GRP: variants seen among roughly 807,000 people sequenced by gnomAD.
GRP encodes the protein gastrin releasing peptide, also known as gastrin-releasing peptide.
In GRP, 11 loss-of-function variants were observed where a neutral mutation model predicts 12.7. The ratio of observed to expected loss-of-function variants is 0.87; its 90% confidence interval spans 0.55 to 1.44. The LOEUF (loss-of-function observed/expected upper bound fraction) is 1.44, where lower values mean the gene tolerates loss of function less well. Among genes scored for constraint, GRP ranks in the 40% most tolerant of loss-of-function variants. GRP has a pLI of 0.00. For synonymous variants in GRP, 84 were observed against 77.7 expected, an observed-to-expected ratio of 1.08 and a Z score of -0.43; for missense variants, 212 against 185.4, an observed-to-expected ratio of 1.14 and a Z score of -0.83.
Position 59,225,550 on chromosome 18 carries a change from C to T in GRP, c.198C>T (p.Ser66=), listed in dbSNP as rs746657365. The change falls in exon 2 of 3, where the codon AGC becomes AGT. Residue 66 remains serine, a synonymous_variant. Transcript: ENST00000256857. ...CTTCTTCTGTTTCTGAGAGAGGGAG[C>T]CTGAAGCAGCAGCTGAGAGAGTACA... ...GESSSVSERG[S]LKQQLREYIR... 5.0e-6 allele frequency: 8 copies of T among 1,613,486 alleles called. No individual in the cohort carries two copies. Among genetic ancestry groups the T allele is most frequent in the Non-Finnish European group, 6.8e-6 (8 of 1,179,644 alleles).
intron 1 of GRP, among the ~76,000 whole-genome samples, chr18:59,225,177 A>G (rs1222624752): frequency 1.3e-5 from 2 of 152,114 alleles, no homozygotes; most frequent in East Asian, 3.9e-4. Context: ...TGTTCATTTT[A>G]TAGTTGAGAA....
At chr18:59,223,927 T>C (rs372076755) in intron 1 of GRP, among the ~76,000 whole-genome samples, 2 of 152,212 alleles carry the variant, frequency 1.3e-5, no homozygotes, top group African/African-American at 4.8e-5. Context: ...TGAAGTCTCA[T>C]GTCATAAGCA....
At chr18:59,219,330 G>A (rs1332860813), upstream of GRP, among the ~76,000 whole-genome samples, 1 of 150,488 alleles carries the variant, frequency 6.6e-6, no homozygotes, top group Non-Finnish European at 1.5e-5. Context: ...AGCTGCCTGG[G>A]AATACCAGGT....
Position 59,220,176 on chromosome 18 carries a change from TGCG to T in GRP, c.-82_-80del. On this transcript the variant is annotated 5_prime_UTR_variant, in exon 1 of 3. Coordinates refer to ENST00000256857, the MANE Select transcript of GRP (RefSeq NM_002091.5). ...AGGCCGCAGCAGTAGCACCAGCGGC[TGCG>T]GCGGCGGAGCTCCTCCGAGGTCCGG... The T allele has an allele frequency of 1.1e-6, 1 of 920,068 alleles. No homozygotes were observed. Among genetic ancestry groups the T allele is most frequent in the Non-Finnish European group, 1.4e-6 (1 of 702,866 alleles). The allele number at this position is 920,068 out of a possible 1,614,324, so 57.0% of individuals were successfully genotyped here. A position where few individuals can be genotyped will look rare whatever the true frequency, so the allele number is the denominator to read the frequency against.
chr18:59,225,201 G>T (rs781284051), intron 1 of GRP, among the ~76,000 whole-genome samples: 1 of 152,110 alleles, frequency 6.6e-6, no homozygotes, highest in Non-Finnish European at 1.5e-5. Flanking sequence ...TGAAGACTAG[G>T]GGTGCTAAAC....
At chr18:59,220,526 G>T (rs927549398) in intron 1 of GRP, 122 bp downstream of exon 1, 6 of 842,254 alleles carry the variant, frequency 7.1e-6, no homozygotes, top group Non-Finnish European at 8.2e-6. Flanking sequence ...GGTTTGTTGT[G>T]ACCTTTCTAT....
chr18:59,230,174 G>A (rs2070008656), intron 2 of GRP, among the ~76,000 whole-genome samples: 1 of 152,172 alleles, frequency 6.6e-6, no homozygotes, highest in Admixed American at 6.5e-5. Flanking sequence ...CTGGGGGACA[G>A]CTCTGGTTCT....
In GRP at chr18:59,221,690, C is replaced by T. The variant is rs149962823; in HGVS notation, c.139+1286C>T. Among the ~76,000 whole-genome samples, 109 of 152,102 alleles carry T rather than the reference C, an allele frequency of 7.2e-4. 1 individual carries two copies. In the East Asian group the frequency reaches 0.019, roughly 26 times the overall value. On this transcript the variant is annotated intron_variant, in intron 1 of 2. Coordinates refer to ENST00000256857, the MANE Select transcript of GRP (RefSeq NM_002091.5). ...AACAAGTACTTGCTAATTCATATAT[C>T]GGCTGATTCACAAATCTTGATAGAA...
At chr18:59,225,867 G>A in intron 2 of GRP, 133 bp downstream of exon 2, 1 of 694,384 alleles carries the variant, frequency 1.4e-6, no homozygotes, top group Non-Finnish European at 2.4e-6. Flanking sequence ...GCTAACACAT[G>A]CTAAGCACAT....
chr18:59,229,516 AC>A (rs1472112304), intron 2 of GRP, among the ~76,000 whole-genome samples: 1 of 151,848 alleles, frequency 6.6e-6, no homozygotes, highest in East Asian at 1.9e-4. Flanking sequence ...TGGGAATCAA[AC>A]CCCAGGCCCT....
intron 1 of GRP, among the ~76,000 whole-genome samples, chr18:59,225,214 C>T (rs771826342): frequency 6.6e-6 from 1 of 152,138 alleles, no homozygotes; most frequent in Non-Finnish European, 1.5e-5. Context: ...TGCTAAACGA[C>T]TTGGCAGAGG....
chr18:59,220,433 G>C (rs919027996), intron 1 of GRP, 29 bp downstream of exon 1: 1 of 1,338,652 alleles, frequency 7.5e-7, no homozygotes. Context: ...GGAGCCGCGC[G>C]CTTGTCCTCC....
intron 2 of GRP, among the ~76,000 whole-genome samples, chr18:59,227,069 T>TTTCTTTCTTCCTTTCTTTC (rs1568085087): frequency 9.3e-6 from 1 of 107,124 alleles, no homozygotes; most frequent in African/African-American, 3.8e-5. Context: ...TTCTTTCTTT[T>TTTCTTTCTTCCTTTCTTTC]CTTTCCTTTC....
In GRP at chr18:59,226,991, TCCTTTCTTTC is replaced by T. The variant is rs1459403206; in HGVS notation, c.382+1258_382+1267del. Among the ~76,000 whole-genome samples, 376 of 134,454 alleles carry T rather than the reference TCCTTTCTTTC, an allele frequency of 2.8e-3. 6 individuals carry two copies. The highest frequency in any genetic ancestry group is 0.011 in the African/African-American group (349 of 32,838). The allele number at this position is 134,454 out of a possible 152,430, so 88.2% of individuals were successfully genotyped here. A position where few individuals can be genotyped will look rare whatever the true frequency, so the allele number is the denominator to read the frequency against. ...GTTCTGGCTATGTGGTTTCTTTTCTTCCTTTCTTTCTTTCTTTCTTTCTTTCTTTCTTTCT... is the reference window on the plus strand; with the variant it reads ...GTTCTGGCTATGTGGTTTCTTTTCTTTTTCTTTCTTTCTTTCTTTCTTTCT... On this transcript the variant is annotated intron_variant, in intron 2 of 2. Coordinates refer to ENST00000256857, the MANE Select transcript of GRP (RefSeq NM_002091.5).
At chr18:59,220,543 A>G in intron 1 of GRP, 139 bp downstream of exon 1, 2 of 659,942 alleles carry the variant, frequency 3.0e-6, no homozygotes, top group Non-Finnish European at 4.5e-6. Flanking sequence ...CTATCGGCAA[A>G]CACCTTCCCC....
chr18:59,224,656 C>T (rs565909448), intron 1 of GRP, among the ~76,000 whole-genome samples: 1 of 152,332 alleles, frequency 6.6e-6, no homozygotes, highest in South Asian at 2.1e-4. Flanking sequence ...TCTGTACCCA[C>T]TTCTGACTCC....
intron 2 of GRP, among the ~76,000 whole-genome samples, chr18:59,227,085 TGCTCTCTCTCTC>T (rs1408823514): frequency 1.5e-4 from 18 of 119,530 alleles, no homozygotes; most frequent in African/African-American, 2.6e-4. Context: ...CTTTCTCTCT[TGCTCTCTCTCTC>T]TCTTTTTTTT....
intron 1 of GRP, among the ~76,000 whole-genome samples, chr18:59,222,954 C>T (rs2144099830): frequency 6.6e-6 from 1 of 152,240 alleles, no homozygotes; most frequent in East Asian, 1.9e-4. Flanking sequence ...GAGACATATC[C>T]CAGAAGGTTG....
intron 1 of GRP, among the ~76,000 whole-genome samples, chr18:59,221,631 C>G (rs900059600): frequency 8.0e-5 from 12 of 149,072 alleles, no homozygotes; most frequent in Non-Finnish European, 1.4e-4. Context: ...CCTTAGCCAT[C>G]TACTTAGAAC....
Sources: allele counts gnomAD v4.1 joint callset (sites outside exome capture counted in the v4.1 genomes callset), GRCh38; gene constraint gnomAD v4.1.1; transcripts MANE v1.5; gene names NCBI Gene and HGNC (gene_info 2026-07-23, HGNC 2026-07-21).